The following TBC1D8 variants were observed in gnomAD, a reference collection of about 807,000 sequenced individuals.
TBC1D8 encodes the protein TBC1 domain family member 8.
TBC1D8 carries 65 observed loss-of-function variants against 118.8 expected under a neutral mutation model. The observed-to-expected ratio is 0.55, with a 90% CI of 0.45 to 0.67. TBC1D8 has a LOEUF of 0.67. TBC1D8 is among the 30% of genes least tolerant of loss of function. The pLI is 0.00. For synonymous variants in TBC1D8, 566 were observed against 595.8 expected (o/e 0.95, Z 0.73); for missense variants, 1,376 against 1,471.2 (o/e 0.94, Z 1.06).
At chr2:101,056,900 G>A (rs769807485) in intron 3 of TBC1D8, among the ~76,000 whole-genome samples, 6 of 152,200 alleles carry the variant, frequency 3.9e-5, no homozygotes, top group Non-Finnish European at 7.3e-5. Context: ...TTCAGGATAT[G>A]AGTAGGAAAG....
intron 3 of TBC1D8, among the ~76,000 whole-genome samples, chr2:101,057,537 T>C (rs1682507869): frequency 6.6e-6 from 1 of 152,190 alleles, no homozygotes; most frequent in Non-Finnish European, 1.5e-5. Context: ...TCAAATAAAG[T>C]CTGTTTGGCT....
At chr2:101,057,047 G>C (rs1682479057) in intron 3 of TBC1D8, among the ~76,000 whole-genome samples, 1 of 152,170 alleles carries the variant, frequency 6.6e-6, no homozygotes. Flanking sequence ...AAGCATTTTA[G>C]CTTCAAAGTG....
chr2:101,037,812 G>T, intron 7 of TBC1D8, 104 bp from the exon 8 acceptor site: 2 of 1,416,026 alleles, frequency 1.4e-6, no homozygotes, highest in Non-Finnish European at 2.0e-6. Context: ...CACGGGCATA[G>T]CAGACTTCAA....
In TBC1D8 at chr2:101,151,146, C is replaced by G. The variant is rs779957804; in HGVS notation, c.108G>C (p.Glu36Asp). ...CCTTACCGGTGAGGCGGCCGCCCCC[C>G]TCGCCGTGCCCGCGGCGCCGCTGCA... ...FILQRRRGHG[E>D]GGGRLTGRLV... Residue 36 changes from glutamate to aspartate, a missense_variant, in exon 1 of 20, where the codon GAG becomes GAC. By Grantham distance (45) the Glu-to-Asp change is conservative. Coordinates refer to ENST00000409318, the MANE Select transcript of TBC1D8 (RefSeq NM_001330348.2). The G allele has an allele frequency of 6.0e-5, 72 of 1,195,396 alleles. No individual in the cohort carries two copies. In the African/African-American group the frequency reaches 1.1e-3, roughly 18 times the overall value. The allele number at this position is 1,195,396 out of a possible 1,614,324, so 74.0% of individuals were successfully genotyped here. A position where few individuals can be genotyped will look rare whatever the true frequency, so the allele number is the denominator to read the frequency against.
intron 2 of TBC1D8, 28 bp from the exon 3 acceptor site, chr2:101,059,567 G>A: frequency 2.6e-6 from 4 of 1,542,758 alleles, no homozygotes; most frequent in Non-Finnish European, 3.6e-6. Flanking sequence ...AAGATACAGA[G>A]ATTAAAAAAT....
At chr2:101,056,025 T>G (rs1471555703) in intron 3 of TBC1D8, among the ~76,000 whole-genome samples, 2 of 149,732 alleles carry the variant, frequency 1.3e-5, no homozygotes, top group African/African-American at 5.0e-5. Flanking sequence ...TATCATTTAT[T>G]TTTATTAACA....
chr2:101,078,403 C>G (rs1674985585), intron 2 of TBC1D8, among the ~76,000 whole-genome samples: 1 of 152,104 alleles, frequency 6.6e-6, no homozygotes. Flanking sequence ...CTGAAGCAAG[C>G]AGGAAGCCTA....
intron 15 of TBC1D8, among the ~76,000 whole-genome samples, chr2:101,026,536 A>G (rs1333855628): frequency 6.6e-6 from 1 of 151,902 alleles, no homozygotes; most frequent in African/African-American, 2.4e-5. Context: ...AAAGCCCTGG[A>G]CTCTGCTGAC....
At chr2:101,133,619 G>T (rs1678698829) in intron 1 of TBC1D8, among the ~76,000 whole-genome samples, 1 of 152,132 alleles carries the variant, frequency 6.6e-6, no homozygotes, top group Non-Finnish European at 1.5e-5. Context: ...GGGAGAGGGA[G>T]CTCTCTGGGG....
At chr2:101,106,091 G>C (rs986823442) in intron 1 of TBC1D8, among the ~76,000 whole-genome samples, 1 of 151,794 alleles carries the variant, frequency 6.6e-6, no homozygotes, top group African/African-American at 2.4e-5. Flanking sequence ...AAACTTAAAA[G>C]CATATTGCTA....
chr2:101,035,946 T>C (rs1680977232), intron 9 of TBC1D8, 72 bp downstream of exon 9: 2 of 1,558,880 alleles, frequency 1.3e-6, no homozygotes, highest in Admixed American at 3.5e-5. Flanking sequence ...ACACACGCGC[T>C]GCTCGGGTCC....
At chr2:101,078,973 G>A (rs1020891422) in intron 2 of TBC1D8, among the ~76,000 whole-genome samples, 2 of 152,052 alleles carry the variant, frequency 1.3e-5, no homozygotes, top group African/African-American at 4.8e-5. Flanking sequence ...AGGCAACCCT[G>A]AAGTGGGCCC....
chr2:101,117,150 G>C (rs2104222581), intron 1 of TBC1D8, among the ~76,000 whole-genome samples: 1 of 152,182 alleles, frequency 6.6e-6, no homozygotes, highest in Middle Eastern at 3.4e-3. Context: ...CCCAGGCAAG[G>C]CAAGGAAGAA....
intron 1 of TBC1D8, among the ~76,000 whole-genome samples, chr2:101,099,777 T>C (rs1340797449): frequency 1.3e-5 from 2 of 152,224 alleles, no homozygotes; most frequent in Non-Finnish European, 2.9e-5. Context: ...ATTATCTCAA[T>C]GGATGCAGAA....
intron 2 of TBC1D8, among the ~76,000 whole-genome samples, chr2:101,069,558 C>T (rs528610204): frequency 1.3e-5 from 2 of 152,248 alleles, no homozygotes; most frequent in South Asian, 4.1e-4. Flanking sequence ...TGCACTCCGG[C>T]CTGGGCAACA....
intron 5 of TBC1D8, among the ~76,000 whole-genome samples, chr2:101,040,957 T>C (rs1446108067): frequency 6.6e-6 from 1 of 152,230 alleles, no homozygotes; most frequent in Non-Finnish European, 1.5e-5. Context: ...ACAGGCCAAA[T>C]AAGCATTCCT....
intron 3 of TBC1D8, among the ~76,000 whole-genome samples, chr2:101,057,575 C>T (rs764675655): frequency 2.6e-5 from 4 of 152,226 alleles, no homozygotes; most frequent in Admixed American, 6.5e-5. Flanking sequence ...TCTATAATCC[C>T]AGCACTTTGG....
At chr2:101,057,719 G>A (rs1164800787) in intron 3 of TBC1D8, among the ~76,000 whole-genome samples, 2 of 152,174 alleles carry the variant, frequency 1.3e-5, no homozygotes, top group Non-Finnish European at 2.9e-5. Flanking sequence ...AGCTACATGG[G>A]AGGCTGAGGC....
chr2:101,091,509 C>A (rs929315243), intron 1 of TBC1D8, among the ~76,000 whole-genome samples: 5 of 152,124 alleles, frequency 3.3e-5, no homozygotes, highest in African/African-American at 1.2e-4. Flanking sequence ...ATGATCGCTT[C>A]AGCCTAGGAG....
Sources: gnomAD v4.1 joint callset for allele counts (sites outside exome capture counted in the v4.1 genomes callset) on GRCh38, gnomAD v4.1.1 for gene constraint, MANE v1.5 for transcripts, NCBI Gene and HGNC (gene_info 2026-07-23, HGNC 2026-07-21) for gene names.